Variants in CARS1 observed in about 807,000 individuals in gnomAD.
The protein encoded by CARS1 is cysteinyl-tRNA synthetase 1.
Under a neutral mutation model 106.2 loss-of-function variants are expected in CARS1, and 48 were observed. The ratio of observed to expected loss-of-function variants is 0.45; its 90% CI spans 0.36 to 0.57. The LOEUF (loss-of-function observed/expected upper bound fraction) is 0.57, where lower values mean the gene tolerates loss of function less well. Among genes scored for constraint, CARS1 ranks in the 20% least tolerant of loss-of-function variants. CARS1 has a pLI of 0.00. For synonymous variants in CARS1, 409 were observed against 403.4 expected, an observed-to-expected ratio of 1.01 and a Z score of -0.17; for missense variants, 968 against 1,057.2, an observed-to-expected ratio of 0.92 and a Z score of 1.17.
Position 3,012,237 on chromosome 11 carries a change from C to G in CARS1, c.2026G>C (p.Glu676Gln). Reference sequence around the variant, plus strand: ...ATCTTCCGCACTCCTTCTCGGAATTCTGATAACACCTGAAGGTAGGGCATG... The same window carrying G: ...ATCTTCCGCACTCCTTCTCGGAATTGTGATAACACCTGAAGGTAGGGCATG... ...TVMPYLQVLSEFREGVRKIAR... is the reference protein window; with the variant it reads ...TVMPYLQVLSQFREGVRKIAR... Residue 676 changes from glutamate (E) to glutamine (Q), a missense_variant, in exon 18 of 23, where the codon GAA becomes CAA. By Grantham distance (29) the Glu-to-Gln change is conservative (BLOSUM62 2). Transcript: ENST00000380525. 6.2e-7 allele frequency: 1 copy of G among 1,614,262 alleles called. No individual in the cohort carries two copies. Among genetic ancestry groups the G allele is most frequent in the South Asian group, 1.1e-5 (1 of 91,090 alleles).
Position 3,018,679 on chromosome 11 carries a change from T to C in CARS1, c.1466A>G (p.Lys489Arg). The change falls in exon 13 of 23, where the codon AAA becomes AGA. Residue 489 changes from lysine to arginine, a missense_variant. Transcript: ENST00000380525. Reference protein sequence around the residue: ...HTGHLTIAGCKMSKSLKNFIT... With the variant: ...HTGHLTIAGCRMSKSLKNFIT... ...GAAGTTTTTTAGTGACTTTGACATT[T>C]TGCAGCCTGCAATGGTCAGGTGGCC... is the stretch of plus-strand genomic sequence containing the variant. 1.9e-6 allele frequency: 3 copies of C among 1,614,190 alleles called. No individual in the cohort carries two copies. The highest frequency in any genetic ancestry group is 2.5e-6 in the Non-Finnish European group (3 of 1,180,020).
At position 3,048,612 on chromosome 11, in the gene CARS1, C is replaced by T. The variant is rs527731283; in HGVS notation, c.26-611G>A. The T allele has an allele frequency of 6.6e-6, 1 of 152,404 alleles. No individual in the cohort carries two copies. Among genetic ancestry groups the T allele is most frequent in the Admixed American group, 6.5e-5 (1 of 15,306 alleles). 9.4% of individuals were successfully genotyped at this position (152,404 alleles called of 1,614,324 possible). A position where few individuals can be genotyped will look rare whatever the true frequency, so the allele number is the denominator to read the frequency against. Reference sequence around the variant, plus strand: ...CAAGCCTCTTTGCCGCAGCGGCACCCTCTCCCTCTGGGTGCTGGGGGATGA... The same window carrying T: ...CAAGCCTCTTTGCCGCAGCGGCACCTTCTCCCTCTGGGTGCTGGGGGATGA... On this transcript the variant is annotated intron_variant, in intron 1 of 22. Transcript: ENST00000380525. The surrounding 1 kb of genome is among the most constrained non-coding windows in gnomAD (Gnocchi z 5.1).
intron 18 of CARS1, among the ~76,000 whole-genome samples, chr11:3,011,596 A>G (rs1426592981): frequency 6.6e-6 from 1 of 152,218 alleles, no homozygotes; most frequent in African/African-American, 2.4e-5. Flanking sequence ...CCTGGGAGAC[A>G]GAGTGAGACT....
In CARS1 at chr11:3,002,060, C is replaced by A; in HGVS notation, c.2278-7G>T. 6.2e-7 allele frequency: 1 copy of A among 1,604,192 alleles called. No homozygotes were observed. Among genetic ancestry groups the A allele is most frequent in the South Asian group, 1.1e-5 (1 of 90,906 alleles). The stretch of plus-strand genomic sequence containing the variant: ...TCTTGGCCAGCTTTGCTGCCTAGAA[C>A]ACGCAACACGGCACAGTCACTGCCC... On this transcript the variant is annotated splice_region_variant and splice_polypyrimidine_tract_variant and intron_variant, in intron 21 of 22. Coordinates refer to ENST00000380525, the MANE Select transcript of CARS1 (RefSeq NM_001014437.3).
intron 10 of CARS1, among the ~76,000 whole-genome samples, chr11:3,023,540 G>A (rs1851770811): frequency 6.6e-6 from 1 of 152,074 alleles, no homozygotes; most frequent in South Asian, 2.1e-4. Flanking sequence ...GACTACAGGT[G>A]CATGCTACCA....
rs555593875 is a variant in CARS1 at position 3,007,921 on chromosome 11, G to A, written c.2069-962C>T. 7.9e-5 allele frequency: 12 copies of A among 152,380 alleles called. No homozygotes were observed. In the East Asian group the frequency reaches 2.1e-3, roughly 27 times the overall value. 9.4% of individuals were successfully genotyped at this position (152,380 alleles called of 1,614,324 possible). A position where few individuals can be genotyped will look rare whatever the true frequency, so the allele number is the denominator to read the frequency against. Reference sequence around the variant, plus strand: ...GACATAAGAAGTTTTGGGTGTTACAGGGTAAATGGGATGCCAACCTATCTC... The same window carrying A: ...GACATAAGAAGTTTTGGGTGTTACAAGGTAAATGGGATGCCAACCTATCTC... On this transcript the variant is annotated intron_variant, in intron 18 of 22. Coordinates refer to ENST00000380525, the MANE Select transcript of CARS1 (RefSeq NM_001014437.3).
rs533343040 is a variant in CARS1, at chr11:3,032,843, G to T, written c.802-3400C>A. ...TAATGGTGGATACGAGATAGTATTT[G>T]TCCAAACCCATAGGATGTAACAATC... is the stretch of plus-strand genomic sequence containing the variant. On this transcript the variant is annotated intron_variant, in intron 7 of 22. Coordinates refer to ENST00000380525, the MANE Select transcript of CARS1 (RefSeq NM_001014437.3). 1.9e-4 allele frequency among the ~76,000 whole-genome samples: 28 copies of T among 151,208 alleles called. No individual in the cohort carries two copies. In the East Asian group the frequency reaches 5.0e-3, roughly 27 times the overall value.
Position 3,019,021 on chromosome 11 carries a change from G to A in CARS1, c.1395+118C>T, listed in dbSNP as rs182781240. The A allele has an allele frequency of 5.8e-4, 721 of 1,233,174 alleles. 2 individuals carry two copies. In the African/African-American group the frequency reaches 9.3e-3, roughly 16 times the overall value. The allele number at this position is 1,233,174 out of a possible 1,614,324, so 76.4% of individuals were successfully genotyped here. A position where few individuals can be genotyped will look rare whatever the true frequency, so the allele number is the denominator to read the frequency against. On this transcript the variant is annotated intron_variant, in intron 12 of 22. Transcript: ENST00000380525. The surrounding 1 kb of genome is among the most constrained non-coding windows in gnomAD (Gnocchi z 6.2). ...GGTTCAGATTCCACCCACAAGCCCC[G>A]ATGAAGGTGTCAAGTTCTAGTGAGA...
chr11:3,015,813 A>G lies in CARS1; in HGVS notation c.1954T>C (p.Phe652Leu), dbSNP rs1256552410. 3 of 1,614,042 alleles carry G rather than the reference A, an allele frequency of 1.9e-6. No homozygotes were observed. In the Admixed American group the frequency reaches 5.0e-5, roughly 27 times the overall value. Residue 652 changes from phenylalanine (F) to leucine (L), a missense_variant, in exon 17 of 23, where the codon TTC (phenylalanine) becomes CTC (leucine). Transcript: ENST00000380525. ...GAVEEDSSLG[F>L]PVGGPGTSLS... ...CTGGTTCCAGGCCCTCCGACCGGGA[A>G]TCCCAGGGAGCTGTCCTCTTCTACG... is the stretch of plus-strand genomic sequence containing the variant.
Position 3,034,718 on chromosome 11 carries a change from T to A in CARS1, c.801+3332A>T, listed in dbSNP as rs1486959220. On this transcript the variant is annotated intron_variant, in intron 7 of 22. Coordinates refer to ENST00000380525, the MANE Select transcript of CARS1 (RefSeq NM_001014437.3). The surrounding 1 kb of genome is among the most constrained non-coding windows in gnomAD (Gnocchi z 6.3). ...CTAATTTTTTTTTTTTTATTTTTAG[T>A]AGAGACGGGGTTTCACCATGTTGGC... is the stretch of plus-strand genomic sequence containing the variant. 6.6e-6 allele frequency among the ~76,000 whole-genome samples: 1 copy of A among 151,330 alleles called. No homozygotes were observed. Among genetic ancestry groups the A allele is most frequent in the Non-Finnish European group, 1.5e-5 (1 of 67,914 alleles).
chr11:3,050,439 G>A lies in CARS1; in HGVS notation c.26-2438C>T, dbSNP rs1034847257. On this transcript the variant is annotated intron_variant, in intron 1 of 22. Coordinates refer to ENST00000380525, the MANE Select transcript of CARS1 (RefSeq NM_001014437.3). The surrounding 1 kb of genome is among the most constrained non-coding windows in gnomAD (Gnocchi z 6.3). The stretch of plus-strand genomic sequence containing the variant: ...TTAGGAGCACCCATAGCCAACCCAC[G>A]GGAGGATCCGGGGCCTCTAACTCAA... 2.6e-5 allele frequency among the ~76,000 whole-genome samples: 4 copies of A among 152,148 alleles called. No homozygotes were observed. Among genetic ancestry groups the A allele is most frequent in the Non-Finnish European group, 1.5e-5 (1 of 68,030 alleles).
chr11:3,001,187 T>C lies in CARS1; in HGVS notation c.2423A>G (p.Lys808Arg), dbSNP rs757335873. ...ELSKGQAKKL[K>R]KLFEAQEKLY... is the part of the protein sequence containing the mutation. Reference sequence around the variant, plus strand: ...CTTCTCCTGAGCCTCGAAGAGCTTCTTCAGCTTCTTGGCTTGCCCTTTGCT... The same window carrying C: ...CTTCTCCTGAGCCTCGAAGAGCTTCCTCAGCTTCTTGGCTTGCCCTTTGCT... The change falls in exon 23 of 23, where the codon AAG (lysine) becomes AGG (arginine). Residue 808 changes from lysine to arginine, a missense_variant. Physicochemically the swap from Lys to Arg is conservative, Grantham distance 26 (BLOSUM62 2). Coordinates refer to ENST00000380525, the MANE Select transcript of CARS1 (RefSeq NM_001014437.3). The C allele has an allele frequency of 6.2e-7, 1 of 1,614,132 alleles. No individual in the cohort carries two copies. Among genetic ancestry groups the C allele is most frequent in the Non-Finnish European group, 8.5e-7 (1 of 1,180,014 alleles).
intron 14 of CARS1, chr11:3,018,203 G>A: frequency 3.3e-6 from 2 of 610,224 alleles, no homozygotes; most frequent in Non-Finnish European, 2.9e-6. Flanking sequence ...AGGAGGACGA[G>A]GCCTCTGTCC....
chr11:3,053,579 G>A lies in CARS1; in HGVS notation c.25+3764C>T, dbSNP rs567267818. 1.6e-3 allele frequency among the ~76,000 whole-genome samples: 246 copies of A among 152,052 alleles called. No individual in the cohort carries two copies. Among genetic ancestry groups the A allele is most frequent in the Non-Finnish European group, 2.9e-3 (199 of 68,010 alleles). On this transcript the variant is annotated intron_variant, in intron 1 of 22. Coordinates refer to ENST00000380525, the MANE Select transcript of CARS1 (RefSeq NM_001014437.3). This position sits in a 1 kb window ranked among gnomAD's most constrained non-coding sequence, Gnocchi z 6.6. ...CCGGCTGCCCTGTTTCTCTTCCTGC[G>A]TTCCCTTGAGGCTCTCCCAGGTCCA...
chr11:3,006,645 G>A (rs564257524), intron 19 of CARS1, among the ~76,000 whole-genome samples: 3 of 152,316 alleles, frequency 2.0e-5, no homozygotes, highest in East Asian at 1.9e-4. Flanking sequence ...GAGATGATGC[G>A]CAGGGGAGGT....
chr11:3,014,571 G>T (rs554208571), intron 17 of CARS1, among the ~76,000 whole-genome samples: 1 of 152,254 alleles, frequency 6.6e-6, no homozygotes, highest in Non-Finnish European at 1.5e-5. Context: ...TTTAACCCAG[G>T]AGGTGTGTTT....
chr11:3,024,485 T>C (rs530867718), intron 10 of CARS1, among the ~76,000 whole-genome samples: 2 of 152,210 alleles, frequency 1.3e-5, no homozygotes, highest in African/African-American at 4.8e-5. Context: ...TCTTGCTCTG[T>C]TGCCCAGGCT....
In CARS1 at chr11:3,028,325, T is replaced by C; in HGVS notation, c.1031+671A>G. On this transcript the variant is annotated intron_variant, in intron 9 of 22. Coordinates refer to ENST00000380525, the MANE Select transcript of CARS1 (RefSeq NM_001014437.3). The surrounding 1 kb of genome is among the most constrained non-coding windows in gnomAD (Gnocchi z 4.4). ...GCCACTACCGGTCTCCGCGTCTTGG[T>C]GGTAGTGGTCCCCCGGGCCCAGCTG... 1.9e-6 allele frequency: 1 copy of C among 521,048 alleles called. No individual in the cohort carries two copies. 32.3% of individuals were successfully genotyped at this position (521,048 alleles called of 1,614,324 possible).
intron 18 of CARS1, among the ~76,000 whole-genome samples, chr11:3,011,796 A>G (rs1850488009): frequency 6.6e-6 from 1 of 152,212 alleles, no homozygotes; most frequent in Non-Finnish European, 1.5e-5. Context: ...CCAGCCTACC[A>G]GGTCACCAGG....
Sources: gnomAD v4.1 joint callset for allele counts (sites outside exome capture counted in the v4.1 genomes callset) on GRCh38, gnomAD v4.1.1 for gene constraint, Gnocchi (gnomAD v3.1) non-coding constraint, MANE v1.5 for transcripts, NCBI Gene and HGNC (gene_info 2026-07-23, HGNC 2026-07-21) for gene names.